SDK1: variants seen among roughly 807,000 people sequenced by gnomAD.
SDK1 encodes the protein sidekick cell adhesion molecule 1.
SDK1 carries 157 observed loss-of-function variants against 245.5 expected under a neutral mutation model. The ratio of observed to expected loss-of-function variants is 0.64; its 90% CI spans 0.56 to 0.73. SDK1 has a LOEUF of 0.73. Among genes scored for constraint, SDK1 ranks in the 30% least tolerant of loss-of-function variants. SDK1 has a pLI of 0.00. For synonymous variants in SDK1, 1,647 were observed against 1,278.5 expected, an observed-to-expected ratio of 1.29 and a Z score of -6.15; for missense variants, 3,583 against 3,002.3, an observed-to-expected ratio of 1.19 and a Z score of -4.52.
At chr7:4,116,339 C>T (rs528130394) in intron 25 of SDK1, among the ~76,000 whole-genome samples, 2 of 152,156 alleles carry the variant, frequency 1.3e-5, no homozygotes, top group African/African-American at 4.8e-5. Flanking sequence ...ACAGCCAGGC[C>T]GGGGTGAGGA....
chr7:3,329,154 A>G (rs1401849501), intron 1 of SDK1, among the ~76,000 whole-genome samples: 4 of 152,132 alleles, frequency 2.6e-5, no homozygotes, highest in African/African-American at 9.7e-5. Flanking sequence ...AATTTGAAGA[A>G]AAGGTTATAT....
intron 4 of SDK1, among the ~76,000 whole-genome samples, chr7:3,688,808 C>G (rs1355136279): frequency 6.6e-6 from 1 of 152,178 alleles, no homozygotes; most frequent in Non-Finnish European, 1.5e-5. Context: ...GATCCTGCCT[C>G]CATTCTGAGG....
At chr7:3,612,814 C>T (rs904263638) in intron 1 of SDK1, among the ~76,000 whole-genome samples, 1 of 152,182 alleles carries the variant, frequency 6.6e-6, no homozygotes, top group Non-Finnish European at 1.5e-5. Flanking sequence ...CCCGGCTGGA[C>T]TCGCACCTGA....
At chr7:3,468,117 C>T (rs1306405001) in intron 1 of SDK1, among the ~76,000 whole-genome samples, 1 of 152,068 alleles carries the variant, frequency 6.6e-6, no homozygotes, top group Non-Finnish European at 1.5e-5. Flanking sequence ...AGAAATCATT[C>T]ATTTCAGTTG....
In SDK1 at chr7:3,628,348, T is replaced by C. The variant is rs543520985; in HGVS notation, c.458+9109T>C. On this transcript the variant is annotated intron_variant, in intron 2 of 44. Coordinates refer to ENST00000404826, the MANE Select transcript of SDK1 (RefSeq NM_152744.4). ...TATATATATATGTATATACAAAATA[T>C]ATATATTTTGTAGAGATGGGATCTC... Among the ~76,000 whole-genome samples the C allele has an allele frequency of 3.9e-5, 6 of 152,216 alleles. No homozygotes were observed. The South Asian group carries it at 1.0e-3, about 26-fold the overall frequency.
At chr7:4,039,047 T>C (rs1788412470) in intron 17 of SDK1, among the ~76,000 whole-genome samples, 3 of 151,166 alleles carry the variant, frequency 2.0e-5, no homozygotes, top group South Asian at 4.2e-4. Context: ...TTAAAAAACG[T>C]AAGGACAAAA....
chr7:3,326,371 T>A (rs1387560847), intron 1 of SDK1, among the ~76,000 whole-genome samples: 2 of 152,186 alleles, frequency 1.3e-5, no homozygotes, highest in African/African-American at 2.4e-5. Context: ...TAGATATATA[T>A]TATTTTCAAT....
intron 4 of SDK1, among the ~76,000 whole-genome samples, chr7:3,681,481 C>G (rs1014889580): frequency 6.6e-6 from 1 of 152,172 alleles, no homozygotes; most frequent in African/African-American, 2.4e-5. Flanking sequence ...AATGGAATTA[C>G]TGGGTCATAA....
intron 5 of SDK1, among the ~76,000 whole-genome samples, chr7:3,941,685 G>A (rs1321276156): frequency 6.6e-6 from 1 of 152,014 alleles, no homozygotes; most frequent in Non-Finnish European, 1.5e-5. Flanking sequence ...TTTGGCTTTC[G>A]TAGCTCCGCC....
intron 1 of SDK1, among the ~76,000 whole-genome samples, chr7:3,582,709 A>AAAAAAAAAAAAAAAAAAAT: frequency 7.4e-6 from 1 of 135,990 alleles, no homozygotes; most frequent in South Asian, 2.7e-4. Flanking sequence ...AAAAAAAAAA[A>AAAAAAAAAAAAAAAAAAAT]GGTACCATCA....
At chr7:4,050,896 A>ATATTATATATAGTATAATG (rs1554321362) in intron 18 of SDK1, among the ~76,000 whole-genome samples, 8 of 143,900 alleles carry the variant, frequency 5.6e-5, no homozygotes, top group Non-Finnish European at 1.1e-4. Flanking sequence ...CATATAGTAT[A>ATATTATATATAGTATAATG]TATTATATAT....
chr7:3,409,947 G>C (rs1186128052), intron 1 of SDK1, among the ~76,000 whole-genome samples: 1 of 152,094 alleles, frequency 6.6e-6, no homozygotes, highest in Non-Finnish European at 1.5e-5. Flanking sequence ...GCCACTATTT[G>C]TTGAGTGCAT....
chr7:3,777,933 C>T (rs1322424747), intron 4 of SDK1, among the ~76,000 whole-genome samples: 2 of 152,188 alleles, frequency 1.3e-5, no homozygotes, highest in African/African-American at 4.8e-5. Context: ...ATAAAAGCCA[C>T]AGCTTCATGC....
intron 17 of SDK1, among the ~76,000 whole-genome samples, chr7:4,025,580 TCTTTCCTGCTAGC>T (rs1787278935): frequency 6.6e-6 from 1 of 152,240 alleles, no homozygotes; most frequent in Non-Finnish European, 1.5e-5. Context: ...CGCAGGCCTG[TCTTTCCTGCTAGC>T]CTAGGAACCC....
intron 32 of SDK1, among the ~76,000 whole-genome samples, chr7:4,172,070 C>T (rs1275519609): frequency 6.6e-6 from 1 of 152,146 alleles, no homozygotes; most frequent in Non-Finnish European, 1.5e-5. Context: ...CTCTAAGACA[C>T]GGATCGCAAA....
chr7:3,448,394 G>A (rs1475056835), intron 1 of SDK1, among the ~76,000 whole-genome samples: 7 of 151,648 alleles, frequency 4.6e-5, no homozygotes, highest in African/African-American at 1.5e-4. Flanking sequence ...TTTATATTAG[G>A]GATATTAACT....
intron 1 of SDK1, among the ~76,000 whole-genome samples, chr7:3,375,326 TAA>T (rs1781328105): frequency 6.6e-6 from 1 of 152,166 alleles, no homozygotes; most frequent in African/African-American, 2.4e-5. Flanking sequence ...GAAAATGAAA[TAA>T]AGTCTAGAAG....
chr7:3,594,744 T>G (rs938093098), intron 1 of SDK1, among the ~76,000 whole-genome samples: 2 of 152,286 alleles, frequency 1.3e-5, no homozygotes, highest in Middle Eastern at 3.4e-3. Flanking sequence ...AATATACTAT[T>G]GATTGTAAGA....
At chr7:4,248,040 G>A (rs1787008635) in intron 44 of SDK1, among the ~76,000 whole-genome samples, 1 of 152,132 alleles carries the variant, frequency 6.6e-6, no homozygotes, top group South Asian at 2.1e-4. Context: ...CATTTGGTCT[G>A]TTTCTCCCCC....
Sources: gnomAD v4.1 joint callset for allele counts (sites outside exome capture counted in the v4.1 genomes callset) on GRCh38, gnomAD v4.1.1 for gene constraint, MANE v1.5 for transcripts, NCBI Gene and HGNC (gene_info 2026-07-23, HGNC 2026-07-21) for gene names.